The following DMD variants were observed in gnomAD, a reference collection of about 807,000 sequenced individuals.
DMD encodes dystrophin.
A neutral mutation model predicts 330.1 loss-of-function variants in DMD; 63 were observed. The observed-to-expected ratio is 0.19, with a 90% CI of 0.16 to 0.24. DMD has a LOEUF of 0.24. Ranked by LOEUF, DMD falls within the 10% of genes least tolerant of loss-of-function variation. The probability of loss-of-function intolerance (pLI) is 1.00; values close to 1 mark genes in which losing one functional copy is unlikely to be tolerated. For synonymous variants in DMD, 1,223 were observed against 959.8 expected (o/e 1.27, Z -5.07); for missense variants, 3,344 against 2,684.1 (o/e 1.25, Z -5.43).
chrX:32,942,983 A>G (rs909222581), intron 2 of DMD, among the ~76,000 whole-genome samples: 7 of 111,913 alleles, frequency 6.3e-5, no homozygotes, highest in Non-Finnish European at 1.3e-4. Context: ...AAGAAAAATT[A>G]GTTAATAGAA....
chrX:32,727,460 C>A (rs756087400), intron 7 of DMD, among the ~76,000 whole-genome samples: 1 of 110,975 alleles, frequency 9.0e-6, no homozygotes. Flanking sequence ...AATTCATTTA[C>A]TAGAGTCCTG....
At position 33,071,622 on chromosome X, in the gene DMD, A is replaced by G. The variant is rs753089726; in HGVS notation, c.32-51422T>C. Reference sequence around the variant, plus strand: ...AAGAGTTCAGCTGAGCTTAAAGAATATATTCATTTGAAGCCCAATCATTGT... The same window carrying G: ...AAGAGTTCAGCTGAGCTTAAAGAATGTATTCATTTGAAGCCCAATCATTGT... On this transcript the variant is annotated intron_variant, in intron 1 of 78. Coordinates refer to ENST00000357033, the MANE Select transcript of DMD (RefSeq NM_004006.3). Among the ~76,000 whole-genome samples the G allele has an allele frequency of 3.6e-5, 4 of 110,839 alleles. No individual in the cohort carries two copies. The South Asian group carries it at 1.1e-3, about 32-fold the overall frequency.
At chrX:32,215,225 G>C (rs999022792) in intron 44 of DMD, among the ~76,000 whole-genome samples, 1 of 111,437 alleles carries the variant, frequency 9.0e-6, no homozygotes, top group Non-Finnish European at 1.9e-5. Flanking sequence ...CATAACATCA[G>C]TGAGTAGTGG....
At chrX:32,607,339 A>G (rs921305155) in intron 12 of DMD, among the ~76,000 whole-genome samples, 2 of 110,602 alleles carry the variant, frequency 1.8e-5, no homozygotes, top group African/African-American at 3.3e-5. Context: ...TATTTCTAAT[A>G]ACTTGGTAAT....
intron 1 of DMD, among the ~76,000 whole-genome samples, chrX:33,153,015 C>T (rs1312048923): frequency 8.9e-6 from 1 of 112,654 alleles, no homozygotes. Flanking sequence ...GTATTGTTCT[C>T]ATTAACAAAT....
chrX:32,002,702 C>T (rs1398396609), intron 44 of DMD, among the ~76,000 whole-genome samples: 1 of 110,486 alleles, frequency 9.1e-6, no homozygotes, highest in African/African-American at 3.3e-5. Flanking sequence ...GGTAATCTGT[C>T]CTACATGTGA....
intron 2 of DMD, among the ~76,000 whole-genome samples, chrX:32,884,350 G>GA (rs893063534): frequency 9.0e-6 from 1 of 111,558 alleles, no homozygotes; most frequent in Admixed American, 9.6e-5. Flanking sequence ...AAGTGGCAGG[G>GA]AAATATATAA....
chrX:31,574,296 A>G (rs1217726372), intron 55 of DMD, among the ~76,000 whole-genome samples: 1 of 107,877 alleles, frequency 9.3e-6, no homozygotes. Flanking sequence ...GGCGCCCACC[A>G]CAACACCCGG....
chrX:32,161,336 T>C (rs1377292373), intron 44 of DMD, among the ~76,000 whole-genome samples: 2 of 111,586 alleles, frequency 1.8e-5, no homozygotes, highest in African/African-American at 6.5e-5. Flanking sequence ...TATAGCCTCA[T>C]AGGGTTTGGC....
At chrX:31,193,576 C>T (rs2042591497) in intron 67 of DMD, among the ~76,000 whole-genome samples, 1 of 111,478 alleles carries the variant, frequency 9.0e-6, no homozygotes, top group African/African-American at 3.3e-5. Context: ...ATGCTAAAAC[C>T]ATAGGGTAAA....
intron 30 of DMD, among the ~76,000 whole-genome samples, chrX:32,404,147 T>G (rs914613395): frequency 8.0e-5 from 9 of 112,341 alleles, no homozygotes; most frequent in African/African-American, 2.6e-4. Context: ...TTAGCTTCTT[T>G]GATAAACACG....
Position 32,394,428 on chromosome X carries a change from A to G in DMD, c.4234-4247T>C, listed in dbSNP as rs1467831121. On this transcript the variant is annotated intron_variant, in intron 30 of 78. Coordinates refer to ENST00000357033, the MANE Select transcript of DMD (RefSeq NM_004006.3). ...TTTTCTCATGTCTAGCCCAAGAATG[A>G]TAATAGCAAGCCAGCAATGAAGTTT... Among the ~76,000 whole-genome samples, 3 of 112,275 alleles carry G rather than the reference A, an allele frequency of 2.7e-5. No homozygotes were observed. In the East Asian group the frequency reaches 8.4e-4, roughly 32 times the overall value.
chrX:32,038,148 C>A (rs2095965836), intron 44 of DMD, among the ~76,000 whole-genome samples: 2 of 111,482 alleles, frequency 1.8e-5, no homozygotes, highest in Admixed American at 1.9e-4. Flanking sequence ...CTCTCTAGGG[C>A]AAATCTAGGG....
At chrX:32,529,320 C>T (rs542802628) in intron 17 of DMD, among the ~76,000 whole-genome samples, 5 of 103,953 alleles carry the variant, frequency 4.8e-5, no homozygotes, top group African/African-American at 1.1e-4. Flanking sequence ...GGGCACATGT[C>T]GTCAGGACTT....
At chrX:32,128,986 A>T (rs1372090121) in intron 44 of DMD, among the ~76,000 whole-genome samples, 1 of 111,423 alleles carries the variant, frequency 9.0e-6, no homozygotes, top group Non-Finnish European at 1.9e-5. Context: ...CTGACAATTA[A>T]TCATATCTAA....
intron 62 of DMD, among the ~76,000 whole-genome samples, chrX:31,272,170 A>C (rs893719920): frequency 8.9e-6 from 1 of 111,830 alleles, no homozygotes; most frequent in African/African-American, 3.3e-5. Flanking sequence ...TTTTCTTTTA[A>C]TAAGATTTCT....
chrX:32,641,647 T>G (rs1445030194), intron 11 of DMD: 2 of 152,560 alleles, frequency 1.3e-5, no homozygotes, highest in Non-Finnish European at 3.0e-5. Flanking sequence ...TTACAAGAAG[T>G]TTTTAACTTT....
chrX:31,831,879 G>T (rs1346998582), intron 49 of DMD, among the ~76,000 whole-genome samples: 6 of 112,540 alleles, frequency 5.3e-5, no homozygotes, highest in Non-Finnish European at 1.1e-4. Flanking sequence ...TGGTATTACA[G>T]GCGCGAGCCA....
chrX:32,407,295 C>A (rs1773910758), intron 30 of DMD, among the ~76,000 whole-genome samples: 1 of 111,266 alleles, frequency 9.0e-6, no homozygotes, highest in South Asian at 3.8e-4. Flanking sequence ...AGCAAACAAC[C>A]CCATCAACAA....
Sources: allele counts gnomAD v4.1 joint callset (sites outside exome capture counted in the v4.1 genomes callset), GRCh38; gene constraint gnomAD v4.1.1; transcripts MANE v1.5; gene names NCBI Gene and HGNC (gene_info 2026-07-23, HGNC 2026-07-21).